Variants in NDST3 observed in about 807,000 individuals in gnomAD.
NDST3 encodes N-deacetylase and N-sulfotransferase 3.
NDST3 carries 58 observed loss-of-function variants against 96.1 expected under a neutral mutation model. That is an observed-to-expected ratio of 0.60 (90% CI 0.49 to 0.75). NDST3 has a LOEUF of 0.75. Ranked by LOEUF, NDST3 falls within the 30% of genes least tolerant of loss-of-function variation. The pLI, the probability that NDST3 is intolerant of heterozygous loss-of-function variation, is 0.00. For missense variants in NDST3, 788 were observed against 1,034.2 expected, an observed-to-expected ratio of 0.76 and a Z score of 3.27; for synonymous variants, 333 against 359.7, an observed-to-expected ratio of 0.93 and a Z score of 0.84.
At chr4:118,215,627 AG>A (rs1182835400) in intron 6 of NDST3, among the ~76,000 whole-genome samples, 4 of 78,564 alleles carry the variant, frequency 5.1e-5, no homozygotes, top group Non-Finnish European at 8.1e-5. Flanking sequence ...GGGAAGGACC[AG>A]TGGAGAGGAC....
intron 10 of NDST3, among the ~76,000 whole-genome samples, chr4:118,238,847 T>C (rs1740847555): frequency 6.6e-6 from 1 of 152,134 alleles, no homozygotes; most frequent in South Asian, 2.1e-4. Context: ...GAAGCCCAAA[T>C]ACCAGAACCA....
chr4:118,087,653 T>C (rs1328407175), intron 2 of NDST3, among the ~76,000 whole-genome samples: 1 of 152,080 alleles, frequency 6.6e-6, no homozygotes. Flanking sequence ...ACATGTATGA[T>C]TGGGCAGGGG....
At chr4:118,094,198 C>G (rs993920527) in intron 2 of NDST3, among the ~76,000 whole-genome samples, 15 of 151,866 alleles carry the variant, frequency 9.9e-5, no homozygotes, top group Non-Finnish European at 2.2e-4. Flanking sequence ...AACAGCTGTT[C>G]TGATCTCATA....
intron 6 of NDST3, among the ~76,000 whole-genome samples, chr4:118,149,456 G>A (rs1393392940): frequency 6.9e-6 from 1 of 144,744 alleles, no homozygotes; most frequent in Non-Finnish European, 1.5e-5. Context: ...AGTTCTCCTT[G>A]AAGAGGTCCT....
At chr4:118,077,022 C>G (rs1459545598) in intron 2 of NDST3, among the ~76,000 whole-genome samples, 1 of 152,194 alleles carries the variant, frequency 6.6e-6, no homozygotes, top group Non-Finnish European at 1.5e-5. Context: ...GTTCAATTGA[C>G]TGGCTTCAAT....
At chr4:118,127,839 TA>T (rs1385294253) in intron 4 of NDST3, among the ~76,000 whole-genome samples, 1 of 152,024 alleles carries the variant, frequency 6.6e-6, no homozygotes, top group Non-Finnish European at 1.5e-5. Context: ...AATATCTTTT[TA>T]TTTTTTTGGT....
At chr4:118,251,122 T>TA (rs1430870540) in intron 12 of NDST3, among the ~76,000 whole-genome samples, 3 of 92,686 alleles carry the variant, frequency 3.2e-5, no homozygotes, top group South Asian at 4.1e-4. Flanking sequence ...ATTTATTATT[T>TA]TTATTTTATT....
At chr4:118,097,241 C>T (rs1729389661) in intron 2 of NDST3, among the ~76,000 whole-genome samples, 1 of 151,908 alleles carries the variant, frequency 6.6e-6, no homozygotes, top group Non-Finnish European at 1.5e-5. Context: ...AGGACCTCAA[C>T]TGAATTCAGA....
intron 1 of NDST3, among the ~76,000 whole-genome samples, chr4:118,035,374 T>C (rs1724087882): frequency 1.3e-5 from 2 of 151,744 alleles, no homozygotes; most frequent in East Asian, 1.9e-4. Context: ...ACATTTGTAT[T>C]AAATTAAAAT....
At chr4:118,196,212 T>C (rs1208756725) in intron 6 of NDST3, among the ~76,000 whole-genome samples, 2 of 152,228 alleles carry the variant, frequency 1.3e-5, no homozygotes, top group Admixed American at 1.3e-4. Flanking sequence ...TCATGATGAA[T>C]GACCTTTTTT....
intron 6 of NDST3, among the ~76,000 whole-genome samples, chr4:118,189,424 A>G (rs115559714): frequency 6.6e-6 from 1 of 152,126 alleles, no homozygotes; most frequent in Non-Finnish European, 1.5e-5. Flanking sequence ...AAATAATCCT[A>G]TTTATGTCTT....
intron 10 of NDST3, among the ~76,000 whole-genome samples, chr4:118,238,208 AAAGAAAGAAAG>A (rs1435776448): frequency 8.4e-5 from 12 of 142,776 alleles, no homozygotes; most frequent in African/African-American, 3.3e-4. Flanking sequence ...AGAAAGAAAG[AAAGAAAGAAAG>A]AAAGAAAAAG....
chr4:118,114,791 T>TA lies in NDST3; in HGVS notation c.1070-15_1070-14insA. ...TGTAACTGGAATTAATTGGATAATA[T>TA]TTCCCCCCCTAAAGGAACTGAAGAG... On this transcript the variant is annotated splice_polypyrimidine_tract_variant and intron_variant, in intron 3 of 13. Coordinates refer to ENST00000296499, the MANE Select transcript of NDST3 (RefSeq NM_004784.3). 6.7e-7 allele frequency: 1 copy of TA among 1,499,552 alleles called. No individual in the cohort carries two copies. Among genetic ancestry groups the TA allele is most frequent in the Non-Finnish European group, 9.0e-7 (1 of 1,117,196 alleles). The allele number at this position is 1,499,552 out of a possible 1,614,324, so 92.9% of individuals were successfully genotyped here.
intron 2 of NDST3, among the ~76,000 whole-genome samples, chr4:118,062,880 C>T (rs1200596084): frequency 6.6e-6 from 1 of 151,984 alleles, no homozygotes; most frequent in Non-Finnish European, 1.5e-5. Context: ...TACTTGGTGA[C>T]TGATTACATT....
At chr4:118,236,917 G>A in intron 9 of NDST3, 129 bp from the exon 10 acceptor site, 1 of 608,050 alleles carries the variant, frequency 1.6e-6, no homozygotes, top group Non-Finnish European at 2.6e-6. Flanking sequence ...AACTATGGAG[G>A]ACAAATGCTG....
chr4:118,204,288 TA>T (rs56964722), intron 6 of NDST3, among the ~76,000 whole-genome samples: 116,100 of 135,870 alleles, frequency 0.85, 52,849 homozygotes, highest in East Asian at 1. Flanking sequence ...ACCATCTGTT[TA>T]AAAAAAAAAA....
At chr4:118,171,017 G>A (rs1735913758) in intron 6 of NDST3, among the ~76,000 whole-genome samples, 2 of 152,248 alleles carry the variant, frequency 1.3e-5, no homozygotes, top group South Asian at 4.1e-4. Context: ...CCAGGCAAAG[G>A]AAACAGCAAG....
At chr4:118,128,366 C>A (rs918255883) in intron 4 of NDST3, among the ~76,000 whole-genome samples, 2 of 151,868 alleles carry the variant, frequency 1.3e-5, no homozygotes, top group African/African-American at 4.8e-5. Context: ...ACCTTCTATA[C>A]CAAGTTTGTT....
intron 2 of NDST3, among the ~76,000 whole-genome samples, chr4:118,102,832 A>C (rs989336739): frequency 6.6e-6 from 1 of 152,170 alleles, no homozygotes; most frequent in Non-Finnish European, 1.5e-5. Flanking sequence ...AATATCATCT[A>C]GAAATAATTT....
Sources: allele counts gnomAD v4.1 joint callset (sites outside exome capture counted in the v4.1 genomes callset), GRCh38; gene constraint gnomAD v4.1.1; transcripts MANE v1.5; gene names NCBI Gene and HGNC (gene_info 2026-07-23, HGNC 2026-07-21).